ANXA3: variants seen among roughly 807,000 people sequenced by gnomAD.
ANXA3 encodes the protein 35-alpha calcimedin.
A neutral mutation model predicts 48.8 loss-of-function variants in ANXA3; 46 were observed. The observed-to-expected ratio is 0.94, with a 90% CI of 0.74 to 1.21. The LOEUF (loss-of-function observed/expected upper bound fraction) is 1.21, where lower values mean the gene tolerates loss of function less well. Ranked by LOEUF, ANXA3 falls within the 50% of genes most tolerant of loss-of-function variation. ANXA3 has a pLI of 0.00. For missense variants in ANXA3, 383 were observed against 378.6 expected (o/e 1.01, Z -0.10); for synonymous variants, 128 against 134.7 (o/e 0.95, Z 0.35).
intron 2 of ANXA3, among the ~76,000 whole-genome samples, chr4:78,566,589 A>C (rs773363962): frequency 6.7e-6 from 1 of 149,434 alleles, no homozygotes; most frequent in Non-Finnish European, 1.5e-5. Flanking sequence ...GTCAAATACC[A>C]CTTATAAGTG....
intron 9 of ANXA3, chr4:78,597,118 G>T: frequency 2.1e-6 from 1 of 476,636 alleles, no homozygotes; most frequent in Middle Eastern, 5.7e-4. Context: ...AATCATCTAG[G>T]GAGTTTGGGT....
chr4:78,586,707 C>T (rs1333454797), intron 6 of ANXA3, among the ~76,000 whole-genome samples: 7 of 152,142 alleles, frequency 4.6e-5, no homozygotes, highest in African/African-American at 9.7e-5. Flanking sequence ...ATTAGATCCA[C>T]GATTTTGGGT....
chr4:78,563,417 T>C (rs1722663665), intron 2 of ANXA3, among the ~76,000 whole-genome samples: 1 of 152,078 alleles, frequency 6.6e-6, no homozygotes, highest in South Asian at 2.1e-4. Flanking sequence ...CCCTTATTCA[T>C]AGGTTGAAAT....
At chr4:78,570,028 G>T (rs181135974) in intron 2 of ANXA3, among the ~76,000 whole-genome samples, 5 of 152,304 alleles carry the variant, frequency 3.3e-5, no homozygotes, top group African/African-American at 1.2e-4. Flanking sequence ...AGATTATTTT[G>T]TAAGTCATGT....
At chr4:78,565,731 G>A (rs1722716395) in intron 2 of ANXA3, among the ~76,000 whole-genome samples, 1 of 152,146 alleles carries the variant, frequency 6.6e-6, no homozygotes, top group Admixed American at 6.5e-5. Flanking sequence ...TAAAATCACG[G>A]TATTAATTGT....
chr4:78,566,488 C>CA (rs397777058), intron 2 of ANXA3, among the ~76,000 whole-genome samples: 110,366 of 141,394 alleles, frequency 0.78, 42,628 homozygotes, highest in East Asian at 0.88. Context: ...CACTCAGCCA[C>CA]AAAAAAAAAA....
chr4:78,564,185 G>T (rs190425806), intron 2 of ANXA3, among the ~76,000 whole-genome samples: 93 of 152,344 alleles, frequency 6.1e-4, no homozygotes, highest in Non-Finnish European at 1.2e-3. Context: ...AGTTGGGTTT[G>T]CTACCTTTGT....
At chr4:78,555,931 T>C (rs965455877) in intron 2 of ANXA3, among the ~76,000 whole-genome samples, 1 of 151,618 alleles carries the variant, frequency 6.6e-6, no homozygotes, top group Non-Finnish European at 1.5e-5. Flanking sequence ...ACTTAAGAGA[T>C]TGGTGAAGGT....
At chr4:78,578,952 C>T in intron 3 of ANXA3, 75 bp from the exon 4 acceptor site, 1 of 787,430 alleles carries the variant, frequency 1.3e-6, no homozygotes, top group Admixed American at 2.0e-5. Context: ...TGTCTCAGGC[C>T]ATTGATCATT....
intron 12 of ANXA3, 95 bp from the exon 13 acceptor site, chr4:78,609,961 C>A (rs1191204790): frequency 5.9e-6 from 5 of 846,800 alleles, no homozygotes; most frequent in Middle Eastern, 2.8e-4. Context: ...GAGTCTCACA[C>A]CCAGGTGAAT....
At chr4:78,562,015 G>A (rs1722637191) in intron 2 of ANXA3, among the ~76,000 whole-genome samples, 1 of 152,152 alleles carries the variant, frequency 6.6e-6, no homozygotes, top group African/African-American at 2.4e-5. Flanking sequence ...TCTGATGTTA[G>A]CCCAACTGTG....
At chr4:78,562,272 A>G (rs1176256561) in intron 2 of ANXA3, among the ~76,000 whole-genome samples, 1 of 152,256 alleles carries the variant, frequency 6.6e-6, no homozygotes, top group Non-Finnish European at 1.5e-5. Context: ...ATGAATACAC[A>G]GGTCTCACAT....
At chr4:78,605,305 G>T (rs138414145) in intron 12 of ANXA3, among the ~76,000 whole-genome samples, 28 of 152,216 alleles carry the variant, frequency 1.8e-4, no homozygotes, top group Middle Eastern at 6.8e-3. Context: ...TTCATAATCT[G>T]ATAGGTGAGG....
intron 10 of ANXA3, 100 bp downstream of exon 10, chr4:78,597,514 T>A: frequency 1.3e-6 from 1 of 743,204 alleles, no homozygotes; most frequent in Non-Finnish European, 2.3e-6. Context: ...TGATCCATTT[T>A]TTTTGCTCCC....
At chr4:78,552,540 C>T (rs1411986447) in intron 1 of ANXA3, among the ~76,000 whole-genome samples, 1 of 151,970 alleles carries the variant, frequency 6.6e-6, no homozygotes, top group Non-Finnish European at 1.5e-5. Context: ...ATTTGAGTCA[C>T]CAGGTGGAAG....
intron 6 of ANXA3, among the ~76,000 whole-genome samples, chr4:78,589,923 G>A (rs182436473): frequency 2.6e-5 from 4 of 152,272 alleles, no homozygotes; most frequent in African/African-American, 9.6e-5. Flanking sequence ...CACTGAAACA[G>A]GGATCAGGGA....
At position 78,595,426 on chromosome 4, in the gene ANXA3, C is replaced by G. The variant is rs1723399651; in HGVS notation, c.529C>G (p.Gln177Glu). Residue 177 changes from glutamine to glutamate, a missense_variant, in exon 8 of 13, where the codon CAA becomes GAA. Physicochemically the swap from Gln to Glu is conservative, Grantham distance 29. Transcript: ENST00000264908. Reference sequence around the variant, plus strand: ...GAAAGTGGATGAGCATCTGGCCAAACAAGATGCCCAGGTCAGTAACAAAGC... The same window carrying G: ...GAAAGTGGATGAGCATCTGGCCAAAGAAGATGCCCAGGTCAGTAACAAAGC... ...SLKVDEHLAK[Q>E]DAQILYKAGE... is the part of the protein sequence containing the mutation. 6.2e-7 allele frequency: 1 copy of G among 1,613,264 alleles called. No individual in the cohort carries two copies. Among genetic ancestry groups the G allele is most frequent in the South Asian group, 1.1e-5 (1 of 90,856 alleles).
intron 2 of ANXA3, among the ~76,000 whole-genome samples, chr4:78,559,744 G>A (rs1710192174): frequency 6.6e-6 from 1 of 152,134 alleles, no homozygotes. Context: ...TGAGCAAATT[G>A]CTTAGTCTTT....
chr4:78,586,304 C>T lies in ANXA3; in HGVS notation c.357C>T (p.Thr119=), dbSNP rs372866540. The T allele has an allele frequency of 1.2e-6, 2 of 1,613,638 alleles. No individual in the cohort carries two copies. Among genetic ancestry groups the T allele is most frequent in the Non-Finnish European group, 1.7e-6 (2 of 1,179,762 alleles). The change falls in exon 6 of 13, where the codon ACC becomes ACT. Residue 119 remains threonine (T), a synonymous_variant. Coordinates refer to ENST00000264908, the MANE Select transcript of ANXA3 (RefSeq NM_005139.3). The part of the protein sequence containing the change: ...NEDALIEILT[T]RTSRQMKDIS... ...ATGCCTTGATTGAAATCTTAACTAC[C>T]AGGACAAGCAGGCAAATGAAGGATA... is the stretch of plus-strand genomic sequence containing the variant.
Sources: gnomAD v4.1 joint callset for allele counts (sites outside exome capture counted in the v4.1 genomes callset) on GRCh38, gnomAD v4.1.1 for gene constraint, MANE v1.5 for transcripts, NCBI Gene and HGNC (gene_info 2026-07-23, HGNC 2026-07-21) for gene names.